ACKR3: variants seen among roughly 807,000 people sequenced by gnomAD.
The protein encoded by ACKR3 is C-X-C chemokine receptor type 7.
ACKR3 carries 6 observed loss-of-function variants against 22.4 expected under a neutral mutation model. The ratio of observed to expected loss-of-function variants is 0.27; its 90% CI spans 0.15 to 0.53. The LOEUF is 0.53. Ranked by LOEUF, ACKR3 falls within the 20% of genes least tolerant of loss-of-function variation. ACKR3 has a pLI of 0.96. For synonymous variants in ACKR3, 209 were observed against 205.2 expected (o/e 1.02, Z -0.16); for missense variants, 396 against 475.2 (o/e 0.83, Z 1.55).
the ACKR3 span, among the ~76,000 whole-genome samples, chr2:236,539,060 A>G: frequency 6.6e-6 from 1 of 152,048 alleles, no homozygotes; most frequent in Non-Finnish European, 1.5e-5. Context: ...TACTTGGTAT[A>G]TTATTTTGAG....
chr2:236,548,594 C>T, the ACKR3 span, among the ~76,000 whole-genome samples: 5 of 152,288 alleles, frequency 3.3e-5, no homozygotes, highest in Admixed American at 2.6e-4. The surrounding 1 kb of genome is among the most constrained non-coding windows in gnomAD (Gnocchi z 4.3). Context: ...TCACCTGCCC[C>T]GTCTTTCATG....
upstream of ACKR3, among the ~76,000 whole-genome samples, chr2:236,564,327 G>A (rs1574968899): frequency 6.6e-6 from 1 of 152,320 alleles, no homozygotes; most frequent in East Asian, 1.9e-4. Context: ...CCACCTGATG[G>A]ATCCTGCTCC....
At chr2:236,544,993 C>T in the ACKR3 span, among the ~76,000 whole-genome samples, 1 of 152,196 alleles carries the variant, frequency 6.6e-6, no homozygotes, top group Non-Finnish European at 1.5e-5. The surrounding 1 kb of genome is among the most constrained non-coding windows in gnomAD (Gnocchi z 5.0). Context: ...CTCTGGTCCA[C>T]AGGTGGTGGC....
chr2:236,575,801 C>T (rs1691402665), intron 1 of ACKR3, among the ~76,000 whole-genome samples: 1 of 152,168 alleles, frequency 6.6e-6, no homozygotes, highest in South Asian at 2.1e-4. Flanking sequence ...GCGGAGACAC[C>T]AGGCTTTACT....
chr2:236,556,341 C>A, the ACKR3 span, among the ~76,000 whole-genome samples: 1 of 152,224 alleles, frequency 6.6e-6, no homozygotes, highest in African/African-American at 2.4e-5. Context: ...AGGTCCACAT[C>A]TTGAGCTCCA....
chr2:236,565,881 C>T (rs939086898), upstream of ACKR3, among the ~76,000 whole-genome samples: 3 of 152,114 alleles, frequency 2.0e-5, no homozygotes, highest in Non-Finnish European at 2.9e-5. Flanking sequence ...TCTGGGGGAG[C>T]GTCCAGTCCC....
intron 1 of ACKR3, among the ~76,000 whole-genome samples, chr2:236,573,477 G>A (rs1691350434): frequency 6.6e-6 from 1 of 152,132 alleles, no homozygotes; most frequent in Non-Finnish European, 1.5e-5. Context: ...TGTGCAAACA[G>A]TGAGGGCCAC....
the ACKR3 span, among the ~76,000 whole-genome samples, chr2:236,546,551 A>G: frequency 6.6e-6 from 1 of 152,242 alleles, no homozygotes; most frequent in African/African-American, 2.4e-5. This position sits in a 1 kb window ranked among gnomAD's most constrained non-coding sequence, Gnocchi z 4.9. Context: ...AGATGAGCAG[A>G]CAGCCAGTCA....
the ACKR3 span, among the ~76,000 whole-genome samples, chr2:236,549,336 A>G: frequency 6.6e-6 from 1 of 152,128 alleles, no homozygotes; most frequent in Non-Finnish European, 1.5e-5. This position sits in a 1 kb window ranked among gnomAD's most constrained non-coding sequence, Gnocchi z 5.3. Context: ...GTGGAAGCCT[A>G]CATAGTCTCC....
intron 1 of ACKR3, among the ~76,000 whole-genome samples, chr2:236,571,756 A>C (rs1204392285): frequency 6.6e-6 from 1 of 152,138 alleles, no homozygotes; most frequent in Non-Finnish European, 1.5e-5. Flanking sequence ...AGTCACTCAA[A>C]CCTGAGGCTG....
the ACKR3 span, among the ~76,000 whole-genome samples, chr2:236,552,087 T>C: frequency 6.6e-6 from 1 of 152,184 alleles, no homozygotes; most frequent in African/African-American, 2.4e-5. Context: ...GGGTTTCCCA[T>C]CCAATACTCT....
At position 236,574,999 on chromosome 2, in the gene ACKR3, C is replaced by A. The variant is rs76584428; in HGVS notation, c.-27+5075C>A. On this transcript the variant is annotated intron_variant, in intron 1 of 1. Coordinates refer to ENST00000272928, the MANE Select transcript of ACKR3 (RefSeq NM_020311.3). The surrounding 1 kb of genome is among the most constrained non-coding windows in gnomAD (Gnocchi z 5.6). ...CTGTCACTGCAACGTGCGACAGGGCCGCTAAAAAGGTGACCCCTGTACGAA... is the reference window on the plus strand; with the variant it reads ...CTGTCACTGCAACGTGCGACAGGGCAGCTAAAAAGGTGACCCCTGTACGAA... Among the ~76,000 whole-genome samples, 1 of 151,994 alleles carries A rather than the reference C, an allele frequency of 6.6e-6. No individual in the cohort carries two copies. Among genetic ancestry groups the A allele is most frequent in the African/African-American group, 2.4e-5 (1 of 41,358 alleles).
At chr2:236,561,632 C>T in the ACKR3 span, among the ~76,000 whole-genome samples, 3 of 152,106 alleles carry the variant, frequency 2.0e-5, no homozygotes, top group East Asian at 5.8e-4. Flanking sequence ...GCTGGGATTA[C>T]AGGTGTGTGC....
In ACKR3 at chr2:236,577,565, G is replaced by A. The variant is rs1691436267; in HGVS notation, c.-26-2875G>A. On this transcript the variant is annotated intron_variant, in intron 1 of 1. Transcript: ENST00000272928. This position sits in a 1 kb window ranked among gnomAD's most constrained non-coding sequence, Gnocchi z 5.6. Reference sequence around the variant, plus strand: ...GGACACACTCGAGATGTGGGAACCAGGCGTCTTCTCACTGAGTGACCCTGC... The same window carrying A: ...GGACACACTCGAGATGTGGGAACCAAGCGTCTTCTCACTGAGTGACCCTGC... 6.6e-6 allele frequency among the ~76,000 whole-genome samples: 1 copy of A among 152,142 alleles called. No homozygotes were observed. Among genetic ancestry groups the A allele is most frequent in the Non-Finnish European group, 1.5e-5 (1 of 68,024 alleles).
the ACKR3 span, among the ~76,000 whole-genome samples, chr2:236,560,236 T>C: frequency 6.6e-6 from 1 of 152,048 alleles, no homozygotes; most frequent in Non-Finnish European, 1.5e-5. Context: ...TAGTGTCCCA[T>C]AGTGGCTGCA....
At chr2:236,550,153 G>T in the ACKR3 span, among the ~76,000 whole-genome samples, 1 of 152,188 alleles carries the variant, frequency 6.6e-6, no homozygotes, top group Non-Finnish European at 1.5e-5. This position sits in a 1 kb window ranked among gnomAD's most constrained non-coding sequence, Gnocchi z 4.6. Flanking sequence ...CATCCCTAAG[G>T]CCATGCGAGG....
chr2:236,575,816 C>T (rs557396671), intron 1 of ACKR3, among the ~76,000 whole-genome samples: 7 of 152,280 alleles, frequency 4.6e-5, no homozygotes, highest in African/African-American at 1.4e-4. Flanking sequence ...TTTACTGAGT[C>T]GTGCCTTTGT....
the ACKR3 span, among the ~76,000 whole-genome samples, chr2:236,559,063 G>T: frequency 1.3e-5 from 2 of 152,156 alleles, no homozygotes; most frequent in South Asian, 2.1e-4. Context: ...ATAAAAATGT[G>T]ACCTGGGTTT....
Position 236,574,376 on chromosome 2 carries a change from G to T in ACKR3, c.-27+4452G>T, listed in dbSNP as rs1007026421. 9.9e-5 allele frequency among the ~76,000 whole-genome samples: 15 copies of T among 152,150 alleles called. No individual in the cohort carries two copies. Among genetic ancestry groups the T allele is most frequent in the African/African-American group, 3.6e-4 (15 of 41,432 alleles). ...AAAGTTACAGAAGACTTGGTGGGGG[G>T]TGCGGGGCCTGGTAGGAATGAGGTG... On this transcript the variant is annotated intron_variant, in intron 1 of 1. Transcript: ENST00000272928. This position sits in a 1 kb window ranked among gnomAD's most constrained non-coding sequence, Gnocchi z 5.6.
Sources: gnomAD v4.1 joint callset for allele counts (sites outside exome capture counted in the v4.1 genomes callset) on GRCh38, gnomAD v4.1.1 for gene constraint, Gnocchi (gnomAD v3.1) non-coding constraint, MANE v1.5 for transcripts, NCBI Gene and HGNC (gene_info 2026-07-23, HGNC 2026-07-21) for gene names.